CHD9: variants seen among roughly 807,000 people sequenced by gnomAD.
CHD9 encodes chromodomain helicase DNA binding protein 9.
In CHD9, 77 loss-of-function variants were observed where a neutral mutation model predicts 316.1. That is an observed-to-expected ratio of 0.24 (90% CI 0.20 to 0.29). The LOEUF (loss-of-function observed/expected upper bound fraction) is 0.29, where lower values mean the gene tolerates loss of function less well. Among genes scored for constraint, CHD9 ranks in the 10% least tolerant of loss-of-function variants. The probability of loss-of-function intolerance (pLI) is 1.00; values close to 1 mark genes in which losing one functional copy is unlikely to be tolerated. For missense variants in CHD9, 2,763 were observed against 3,438.1 expected (o/e 0.80, Z 4.91); for synonymous variants, 1,129 against 1,158.3 (o/e 0.97, Z 0.51).
At chr16:53,110,635 C>T (rs1439860574) in intron 1 of CHD9, among the ~76,000 whole-genome samples, 10 of 152,078 alleles carry the variant, frequency 6.6e-5, no homozygotes, top group Non-Finnish European at 1.5e-4. Flanking sequence ...TGCTGGTGTG[C>T]ACCTGTAGTT....
Position 53,235,286 on chromosome 16 carries a change from C to A in CHD9, c.2613C>A (p.Leu871=). 1 of 1,547,938 alleles carries A rather than the reference C, an allele frequency of 6.5e-7. No homozygotes were observed. Among genetic ancestry groups the A allele is most frequent in the Non-Finnish European group, 8.7e-7 (1 of 1,143,810 alleles). The change falls in exon 11 of 39, where the codon CTC becomes CTA. Residue 871 remains leucine, a synonymous_variant. Transcript: ENST00000447540. ...ATCAACTGGAAGGACTCAACTGGCT[C>A]TTGTTCAATTGGTACAATAGGTATG... The part of the protein sequence containing the change: ...REYQLEGLNW[L]LFNWYNRRNC...
At chr16:53,134,350 T>C (rs545803719) in intron 1 of CHD9, among the ~76,000 whole-genome samples, 12 of 152,222 alleles carry the variant, frequency 7.9e-5, no homozygotes, top group Non-Finnish European at 1.5e-4. Flanking sequence ...AGATTTCTTA[T>C]ATAAGATTTA....
chr16:53,096,250 A>G (rs1279383107), intron 1 of CHD9, among the ~76,000 whole-genome samples: 1 of 151,948 alleles, frequency 6.6e-6, no homozygotes, highest in South Asian at 2.1e-4. Flanking sequence ...TGAAGCACAG[A>G]ATGCTTGCAA....
chr16:53,109,690 T>TTTTC (rs1421761280), intron 1 of CHD9, among the ~76,000 whole-genome samples: 7 of 105,924 alleles, frequency 6.6e-5, no homozygotes, highest in East Asian at 5.0e-4. Context: ...TTTTTTTTTT[T>TTTTC]TTTTTTTTTT....
rs749712411 is a variant in CHD9 at position 53,226,444 on chromosome 16, A to C, written c.1975A>C (p.Lys659Gln). The C allele has an allele frequency of 6.2e-6, 10 of 1,606,594 alleles. No individual in the cohort carries two copies. The East Asian group carries it at 2.0e-4, about 32-fold the overall frequency. Residue 659 changes from lysine to glutamine, a missense_variant, in exon 5 of 39, where the codon AAA (lysine) becomes CAA (glutamine). By Grantham distance (53) the Lys-to-Gln change is moderately conservative. This residue lies in a region of CHD9 where 859 missense variants were observed against 890.4 expected (regional missense o/e 0.96). Coordinates refer to ENST00000447540, the MANE Select transcript of CHD9 (RefSeq NM_001308319.2). ...IEGKQSEEEV[K>Q]GSMKIKKNSA... ...AGGGAAGCAATCTGAAGAAGAGGTT[A>C]AAGGTTCTATGAAAATAAAAAAGAA... is the stretch of plus-strand genomic sequence containing the variant.
chr16:53,105,890 C>A (rs2037309943), intron 1 of CHD9, among the ~76,000 whole-genome samples: 1 of 149,366 alleles, frequency 6.7e-6, no homozygotes, highest in South Asian at 2.1e-4. Flanking sequence ...ATAGCGCGGT[C>A]TTGGTCACTA....
At chr16:53,294,997 G>T (rs1298279399) in intron 29 of CHD9, among the ~76,000 whole-genome samples, 1 of 152,176 alleles carries the variant, frequency 6.6e-6, no homozygotes, top group Non-Finnish European at 1.5e-5. Flanking sequence ...CCCTCAGCCA[G>T]AGTGCCCTAC....
chr16:53,245,235 T>G lies in CHD9; in HGVS notation c.3055-101T>G, dbSNP rs1278137112. 5 of 815,208 alleles carry G rather than the reference T, an allele frequency of 6.1e-6. No homozygotes were observed. The highest frequency in any genetic ancestry group is 9.2e-6 in the Non-Finnish European group (5 of 546,032). 50.5% of individuals were successfully genotyped at this position (815,208 alleles called of 1,614,324 possible). A position where few individuals can be genotyped will look rare whatever the true frequency, so the allele number is the denominator to read the frequency against. ...ATAACATATATATATGTATATATAG[T>G]CAGAAAAATATTTGCATATTGATCA... is the stretch of plus-strand genomic sequence containing the variant. On this transcript the variant is annotated intron_variant, in intron 13 of 38. Transcript: ENST00000447540. This position sits in a 1 kb window ranked among gnomAD's most constrained non-coding sequence, Gnocchi z 4.1.
At chr16:53,267,531 A>G (rs1489051672) in intron 21 of CHD9, 41 bp downstream of exon 21, 1 of 1,366,506 alleles carries the variant, frequency 7.3e-7, no homozygotes, top group South Asian at 1.5e-5. Context: ...GTAGTCTGGT[A>G]TGTAATGTTA....
At chr16:53,221,766 A>G (rs925248971) in intron 3 of CHD9, among the ~76,000 whole-genome samples, 2 of 152,210 alleles carry the variant, frequency 1.3e-5, no homozygotes, top group African/African-American at 4.8e-5. Flanking sequence ...GATAAGCCTT[A>G]ACATAAGTGA....
intron 4 of CHD9, among the ~76,000 whole-genome samples, chr16:53,224,321 A>G (rs2047475345): frequency 6.6e-6 from 1 of 152,202 alleles, no homozygotes; most frequent in Non-Finnish European, 1.5e-5. Flanking sequence ...GCGACGTTCT[A>G]TGGTGAAGAA....
At position 53,249,948 on chromosome 16, in the gene CHD9, A is replaced by G. The variant is rs1375630947; in HGVS notation, c.3743A>G (p.Asp1248Gly). ...GCTATAGATAGATTTAGTAAACCTG[A>G]TTCAGATAGATTTGTTTTTCTCCTG... Reference protein sequence around the residue: ...QAAIDRFSKPDSDRFVFLLCT... With the variant: ...QAAIDRFSKPGSDRFVFLLCT... The change falls in exon 17 of 39, where the codon GAT (aspartate) becomes GGT (glycine). Residue 1248 changes from aspartate (D) to glycine (G), a missense_variant. Asp to Gly is a moderately conservative substitution (Grantham distance 94). Coordinates refer to ENST00000447540, the MANE Select transcript of CHD9 (RefSeq NM_001308319.2). 3.1e-6 allele frequency: 5 copies of G among 1,613,724 alleles called. No individual in the cohort carries two copies. Among genetic ancestry groups the G allele is most frequent in the Non-Finnish European group, 4.2e-6 (5 of 1,179,784 alleles).
intron 2 of CHD9, among the ~76,000 whole-genome samples, chr16:53,205,418 G>GA (rs2045821364): frequency 6.6e-6 from 1 of 152,132 alleles, no homozygotes; most frequent in East Asian, 1.9e-4. Flanking sequence ...CTTAGAAGAG[G>GA]AAAAAAACCA....
At chr16:53,228,906 T>A (rs2152922127) in intron 7 of CHD9, 77 bp from the exon 8 acceptor site, 2 of 649,550 alleles carry the variant, frequency 3.1e-6, no homozygotes, top group Non-Finnish European at 5.2e-6. Flanking sequence ...TAGTTTATAT[T>A]GGATGTTATG....
chr16:53,271,433 G>T (rs554995860), intron 22 of CHD9, among the ~76,000 whole-genome samples: 1 of 152,038 alleles, frequency 6.6e-6, no homozygotes, highest in Non-Finnish European at 1.5e-5. Flanking sequence ...GCCAGCCATG[G>T]TGACATGTGC....
At chr16:53,199,334 A>G (rs1383917042) in intron 2 of CHD9, among the ~76,000 whole-genome samples, 2 of 152,286 alleles carry the variant, frequency 1.3e-5, no homozygotes, top group South Asian at 2.1e-4. Flanking sequence ...TTCTCTGTAT[A>G]TAGTCATTTA....
intron 2 of CHD9, 66 bp downstream of exon 2, chr16:53,157,607 A>G: frequency 1.4e-6 from 2 of 1,417,722 alleles, no homozygotes; most frequent in East Asian, 4.6e-5. Context: ...CATTGGGTTA[A>G]TTTTATATGA....
chr16:53,279,509 A>G (rs1478496672), intron 24 of CHD9, among the ~76,000 whole-genome samples: 2 of 152,174 alleles, frequency 1.3e-5, no homozygotes, highest in Non-Finnish European at 2.9e-5. Context: ...TTGAAGTATA[A>G]TAATAAAAAT....
intron 2 of CHD9, among the ~76,000 whole-genome samples, chr16:53,206,543 C>G (rs1010990608): frequency 3.9e-5 from 6 of 152,098 alleles, no homozygotes; most frequent in African/African-American, 1.4e-4. Flanking sequence ...TTAATCCCTG[C>G]TCCACTATTC....
Sources: gnomAD v4.1 joint callset for allele counts (sites outside exome capture counted in the v4.1 genomes callset) on GRCh38, gnomAD v4.1.1 for gene constraint, gnomAD v4.1.1 regional missense constraint, Gnocchi (gnomAD v3.1) non-coding constraint, MANE v1.5 for transcripts, NCBI Gene and HGNC (gene_info 2026-07-23, HGNC 2026-07-21) for gene names.